The following NPAS3 variants were observed in gnomAD, a reference collection of about 807,000 sequenced individuals.
NPAS3 encodes the protein neuronal PAS domain protein 3.
A neutral mutation model predicts 73.1 loss-of-function variants in NPAS3; 14 were observed. That is an observed-to-expected ratio of 0.19 (90% CI 0.13 to 0.30). The LOEUF is 0.30. NPAS3 is among the 10% of genes least tolerant of loss of function. The pLI, the probability that NPAS3 is intolerant of heterozygous loss-of-function variation, is 1.00. For synonymous variants in NPAS3, 620 were observed against 541.5 expected (o/e 1.14, Z -2.01); for missense variants, 1,096 against 1,250.0 (o/e 0.88, Z 1.86).
chr14:33,764,942 CTG>C (rs1169875202), intron 7 of NPAS3, among the ~76,000 whole-genome samples: 2 of 152,284 alleles, frequency 1.3e-5, no homozygotes, highest in African/African-American at 4.8e-5. Flanking sequence ...GTTCCACCCT[CTG>C]AGAAAATGTG....
At chr14:33,723,847 G>T (rs1418043026) in intron 6 of NPAS3, among the ~76,000 whole-genome samples, 1 of 152,152 alleles carries the variant, frequency 6.6e-6, no homozygotes, top group Non-Finnish European at 1.5e-5. Context: ...CAGCCTTCCT[G>T]TGTACCCCTC....
In NPAS3 at chr14:32,967,514, A is replaced by G. The variant is rs148374612; in HGVS notation, c.50+28148A>G. Among the ~76,000 whole-genome samples, 13 of 152,330 alleles carry G rather than the reference A, an allele frequency of 8.5e-5. No homozygotes were observed. The East Asian group carries it at 2.5e-3, about 29-fold the overall frequency. On this transcript the variant is annotated intron_variant, in intron 1 of 11. Transcript: ENST00000356141. The stretch of plus-strand genomic sequence containing the variant: ...CTCAATAGAAAAAAAATCTGATTAA[A>G]GAATGGGCAAGACATCTGAATAGCT...
At position 33,800,361 on chromosome 14, in the gene NPAS3, C is replaced by T. The variant is rs1450411759; in HGVS notation, c.2054C>T (p.Pro685Leu). 12 of 1,611,902 alleles carry T rather than the reference C, an allele frequency of 7.4e-6. No homozygotes were observed. The highest frequency in any genetic ancestry group is 1.1e-5 in the South Asian group (1 of 90,948). ...GAGTCCCCCTACAGCATGACCAAGC[C>T]CCCCAGCTCTGAGCACTTCCCGTCC... Residue 685 changes from proline (P) to leucine (L), a missense_variant, in exon 12 of 12, where the codon CCC becomes CTC. Physicochemically the swap from Pro to Leu is moderately conservative, Grantham distance 98. Transcript: ENST00000356141. The surrounding 1 kb of genome is among the most constrained non-coding windows in gnomAD (Gnocchi z 6.5).
At chr14:32,975,054 T>G (rs1481147223) in intron 1 of NPAS3, among the ~76,000 whole-genome samples, 1 of 152,196 alleles carries the variant, frequency 6.6e-6, no homozygotes, top group African/African-American at 2.4e-5. Flanking sequence ...ATTAGTTGAA[T>G]AGTTTTACAG....
intron 2 of NPAS3, among the ~76,000 whole-genome samples, chr14:33,092,825 A>G (rs1351298411): frequency 2.0e-5 from 3 of 152,262 alleles, no homozygotes; most frequent in African/African-American, 7.2e-5. Context: ...CACATCTACA[A>G]CCATCTGATC....
chr14:33,071,653 C>T (rs1047136907), intron 2 of NPAS3, among the ~76,000 whole-genome samples: 8 of 152,072 alleles, frequency 5.3e-5, no homozygotes, highest in South Asian at 2.1e-4. Context: ...TTAGCATATA[C>T]GAACCACAAA....
chr14:33,566,580 A>G (rs1190137820), intron 5 of NPAS3, among the ~76,000 whole-genome samples: 2 of 152,048 alleles, frequency 1.3e-5, no homozygotes, highest in Admixed American at 6.5e-5. Context: ...CTTTTAGTTC[A>G]TAGTTCTTAG....
At chr14:33,596,835 G>A (rs190701710) in intron 5 of NPAS3, among the ~76,000 whole-genome samples, 3 of 152,274 alleles carry the variant, frequency 2.0e-5, no homozygotes, top group South Asian at 2.1e-4. Flanking sequence ...TGACAGCTTC[G>A]TGACAGCAGA....
At chr14:33,686,707 C>A (rs1002109754) in intron 6 of NPAS3, among the ~76,000 whole-genome samples, 2 of 152,028 alleles carry the variant, frequency 1.3e-5, no homozygotes, top group Non-Finnish European at 2.9e-5. Flanking sequence ...AGAATTTGAA[C>A]CCAAGCAGGC....
At chr14:33,776,720 C>G (rs995065574) in intron 8 of NPAS3, among the ~76,000 whole-genome samples, 4 of 152,076 alleles carry the variant, frequency 2.6e-5, no homozygotes, top group Non-Finnish European at 4.4e-5. Flanking sequence ...TAATTTCATT[C>G]CATTCATTCA....
intron 2 of NPAS3, among the ~76,000 whole-genome samples, chr14:33,147,725 TA>T (rs72264623): frequency 6.5e-5 from 6 of 91,638 alleles, no homozygotes; most frequent in African/African-American, 2.4e-4. Context: ...TAAAGTAGAA[TA>T]AAAAATATAT....
intron 2 of NPAS3, among the ~76,000 whole-genome samples, chr14:33,098,347 G>A (rs2042483762): frequency 6.6e-6 from 1 of 152,128 alleles, no homozygotes; most frequent in South Asian, 2.1e-4. Flanking sequence ...ATTGTAGAGA[G>A]TCAAATTATA....
chr14:33,491,303 G>A (rs540261253), intron 4 of NPAS3, among the ~76,000 whole-genome samples: 36 of 151,948 alleles, frequency 2.4e-4, no homozygotes, highest in Admixed American at 1.8e-3. Flanking sequence ...CTGACTCAGC[G>A]TTGTATTAGG....
intron 4 of NPAS3, among the ~76,000 whole-genome samples, chr14:33,428,815 C>T (rs1251554332): frequency 6.6e-6 from 1 of 152,080 alleles, no homozygotes; most frequent in African/African-American, 2.4e-5. Flanking sequence ...TCTTCTTTTC[C>T]AGGCTAGATC....
intron 6 of NPAS3, among the ~76,000 whole-genome samples, chr14:33,711,630 T>C (rs550873465): frequency 6.6e-6 from 1 of 152,302 alleles, no homozygotes; most frequent in South Asian, 2.1e-4. Context: ...GACCTAGATA[T>C]GGTCCCAAAG....
At chr14:33,715,660 T>C (rs1387154772) in intron 6 of NPAS3, among the ~76,000 whole-genome samples, 1 of 152,212 alleles carries the variant, frequency 6.6e-6, no homozygotes, top group African/African-American at 2.4e-5. Context: ...ATCACAAGTC[T>C]GGGCCTCAGT....
intron 3 of NPAS3, among the ~76,000 whole-genome samples, chr14:33,257,518 T>G (rs2139933038): frequency 6.6e-6 from 1 of 152,340 alleles, no homozygotes; most frequent in Admixed American, 6.5e-5. Context: ...GGAGTTGAAT[T>G]TATTCAATTT....
chr14:33,715,541 G>C (rs1396593518), intron 6 of NPAS3, among the ~76,000 whole-genome samples: 1 of 152,146 alleles, frequency 6.6e-6, no homozygotes, highest in Non-Finnish European at 1.5e-5. Flanking sequence ...GCTCTTGCCT[G>C]TACATGGGGA....
intron 4 of NPAS3, among the ~76,000 whole-genome samples, chr14:33,422,208 T>C (rs191239561): frequency 2.0e-5 from 3 of 151,980 alleles, no homozygotes; most frequent in African/African-American, 4.8e-5. Flanking sequence ...TATGATAACA[T>C]TTTGAGATTC....
Sources: allele counts gnomAD v4.1 joint callset (sites outside exome capture counted in the v4.1 genomes callset), GRCh38; gene constraint gnomAD v4.1.1; non-coding constraint Gnocchi (gnomAD v3.1); transcripts MANE v1.5; gene names NCBI Gene and HGNC (gene_info 2026-07-23, HGNC 2026-07-21).